RALGAPA2: variants seen among roughly 807,000 people sequenced by gnomAD.
RALGAPA2 encodes the protein Ral GTPase activating protein catalytic subunit alpha 2, also known as ral GTPase-activating protein subunit alpha-2.
A neutral mutation model predicts 230.4 loss-of-function variants in RALGAPA2; 139 were observed. The ratio of observed to expected loss-of-function variants is 0.60; its 90% CI spans 0.53 to 0.69. The LOEUF (loss-of-function observed/expected upper bound fraction) is 0.69, where lower values mean the gene tolerates loss of function less well. Among genes scored for constraint, RALGAPA2 ranks in the 30% least tolerant of loss-of-function variants. The probability of loss-of-function intolerance (pLI) is 0.00; values close to 1 mark genes in which losing one functional copy is unlikely to be tolerated. For synonymous variants in RALGAPA2, 847 were observed against 837.8 expected, an observed-to-expected ratio of 1.01 and a Z score of -0.19; for missense variants, 2,163 against 2,276.0, an observed-to-expected ratio of 0.95 and a Z score of 1.01.
At chr20:20,577,022 T>G (rs2064840806) in intron 20 of RALGAPA2, among the ~76,000 whole-genome samples, 1 of 152,190 alleles carries the variant, frequency 6.6e-6, no homozygotes, top group African/African-American at 2.4e-5. Context: ...CTTTTCCTAA[T>G]TTTTGAATAG....
At chr20:20,530,781 T>C (rs1169022010) in intron 27 of RALGAPA2, among the ~76,000 whole-genome samples, 3 of 152,054 alleles carry the variant, frequency 2.0e-5, no homozygotes, top group Admixed American at 6.5e-5. Context: ...TTGAACAAGT[T>C]CCTTAATGAT....
chr20:20,620,628 T>C lies in RALGAPA2; in HGVS notation c.1236A>G (p.Ala412=). ...CTATCTCACAGGAAGGCAACAAAAA[T>C]GCCTGAAAGGAAAAGAGAAAACTCC... ...VNFVNEVFHQ[A]FLLPSCEIAV... Residue 412 remains alanine, a splice_region_variant and synonymous_variant, in exon 11 of 40, where the codon GCA becomes GCG. Coordinates refer to ENST00000202677, the MANE Select transcript of RALGAPA2 (RefSeq NM_020343.4). 3 of 1,606,672 alleles carry C rather than the reference T, an allele frequency of 1.9e-6. No individual in the cohort carries two copies. Among genetic ancestry groups the C allele is most frequent in the Non-Finnish European group, 2.5e-6 (3 of 1,176,918 alleles).
rs764428540 is a variant in RALGAPA2 at position 20,619,401 on chromosome 20, C to T, written c.1415G>A (p.Ser472Asn). The change falls in exon 12 of 40, where the codon AGT becomes AAT. Residue 472 changes from serine (S) to asparagine (N), a missense_variant. By Grantham distance (46) the Ser-to-Asn change is conservative. Coordinates refer to ENST00000202677, the MANE Select transcript of RALGAPA2 (RefSeq NM_020343.4). Reference protein sequence around the residue: ...ETDSKEASSESSGHKRSSSWG... With the variant: ...ETDSKEASSENSGHKRSSSWG... ...ACTGGAAGATCGTTTATGACCAGAA[C>T]TTTCAGATGAGGCCTTCAGAAGATA... is the stretch of plus-strand genomic sequence containing the variant. 13 of 1,601,240 alleles carry T rather than the reference C, an allele frequency of 8.1e-6. 1 individual carries two copies. In the South Asian group the frequency reaches 1.5e-4, roughly 18 times the overall value.
chr20:20,495,379 T>C (rs1188464972), intron 35 of RALGAPA2, 104 bp from the exon 36 acceptor site: 1 of 993,796 alleles, frequency 1.0e-6, no homozygotes, highest in East Asian at 2.7e-5. Context: ...CAAAAAAATT[T>C]CACTACCAAA....
At chr20:20,620,117 T>C (rs1482274477) in intron 11 of RALGAPA2, among the ~76,000 whole-genome samples, 3 of 152,224 alleles carry the variant, frequency 2.0e-5, no homozygotes, top group African/African-American at 7.2e-5. Flanking sequence ...CCAAAAGATA[T>C]TTATTTAAAC....
intron 26 of RALGAPA2, among the ~76,000 whole-genome samples, chr20:20,534,319 C>A (rs544437861): frequency 5.9e-5 from 9 of 151,996 alleles, no homozygotes; most frequent in Non-Finnish European, 1.3e-4. Context: ...GTGGCAGGCG[C>A]CTGTAGTCCC....
intron 20 of RALGAPA2, among the ~76,000 whole-genome samples, chr20:20,582,656 A>G (rs1373083102): frequency 3.3e-5 from 5 of 152,114 alleles, no homozygotes; most frequent in African/African-American, 1.2e-4. Flanking sequence ...GTGCCCTGCT[A>G]GTTCTTAAGT....
intron 4 of RALGAPA2, among the ~76,000 whole-genome samples, chr20:20,648,172 C>T (rs749806891): frequency 3.9e-5 from 6 of 152,138 alleles, no homozygotes; most frequent in Non-Finnish European, 1.5e-5. Context: ...AAGGAATGAA[C>T]TATTAATTCA....
At chr20:20,414,951 A>G (rs2060137365) in intron 37 of RALGAPA2, among the ~76,000 whole-genome samples, 1 of 152,268 alleles carries the variant, frequency 6.6e-6, no homozygotes, top group Admixed American at 6.5e-5. Context: ...ATTTTCGCTC[A>G]TGGCCCAAGC....
At chr20:20,475,724 G>T (rs2061635537) in intron 36 of RALGAPA2, among the ~76,000 whole-genome samples, 1 of 152,092 alleles carries the variant, frequency 6.6e-6, no homozygotes, top group South Asian at 2.1e-4. Flanking sequence ...CATTTTTGAA[G>T]ATCCTAGTCA....
chr20:20,545,120 C>A (rs1452529562), intron 24 of RALGAPA2, among the ~76,000 whole-genome samples: 1 of 152,214 alleles, frequency 6.6e-6, no homozygotes, highest in South Asian at 2.1e-4. Context: ...TTTGAAAATT[C>A]TTTGAGATTA....
intron 23 of RALGAPA2, among the ~76,000 whole-genome samples, chr20:20,547,909 G>C (rs1263354799): frequency 2.0e-5 from 3 of 152,132 alleles, no homozygotes; most frequent in South Asian, 4.1e-4. Flanking sequence ...ATACCGAATA[G>C]TGTAGGCAAT....
intron 37 of RALGAPA2, among the ~76,000 whole-genome samples, chr20:20,465,312 A>C (rs867537066): frequency 6.6e-6 from 1 of 152,150 alleles, no homozygotes; most frequent in Non-Finnish European, 1.5e-5. Flanking sequence ...TCAGGCTGGC[A>C]AGGAGTGAGT....
In RALGAPA2 at chr20:20,640,713, T is replaced by C; in HGVS notation, c.538A>G (p.Ser180Gly). 6.2e-7 allele frequency: 1 copy of C among 1,612,290 alleles called. No homozygotes were observed. The highest frequency in any genetic ancestry group is 8.5e-7 in the Non-Finnish European group (1 of 1,178,836). ...TAACATAACTTACCATCAGCTACAC[T>C]AGGGCTGGGATTGATGAGTGTCTCC... Reference protein sequence around the residue: ...TLETLINPSPSVADVKIYPEE... With the variant: ...TLETLINPSPGVADVKIYPEE... The change falls in exon 6 of 40, where the codon AGT becomes GGT. Residue 180 changes from serine (S) to glycine (G), a missense_variant. Transcript: ENST00000202677.
At chr20:20,648,034 T>C (rs961838105) in intron 4 of RALGAPA2, among the ~76,000 whole-genome samples, 2 of 152,176 alleles carry the variant, frequency 1.3e-5, no homozygotes, top group Non-Finnish European at 2.9e-5. Context: ...CGAGCATAAA[T>C]GTTTATAGTA....
intron 36 of RALGAPA2, among the ~76,000 whole-genome samples, chr20:20,473,909 T>G (rs189599324): frequency 3.7e-4 from 56 of 152,326 alleles, no homozygotes; most frequent in Non-Finnish European, 5.9e-5. Flanking sequence ...ATATTTATTA[T>G]GTGTTGGACA....
At chr20:20,683,474 C>T (rs139817305) in intron 1 of RALGAPA2, among the ~76,000 whole-genome samples, 1 of 152,190 alleles carries the variant, frequency 6.6e-6, no homozygotes, top group African/African-American at 2.4e-5. Context: ...CCACTCTCCC[C>T]TTCACTCCCT....
chr20:20,402,414 G>A (rs767215343), intron 38 of RALGAPA2, among the ~76,000 whole-genome samples: 77 of 152,202 alleles, frequency 5.1e-4, no homozygotes, highest in Admixed American at 1.3e-3. Flanking sequence ...CTGTGTAGTG[G>A]GGATGGCCAT....
At chr20:20,505,344 A>G (rs2062500498) in intron 34 of RALGAPA2, 67 bp downstream of exon 34, 1 of 1,389,010 alleles carries the variant, frequency 7.2e-7, no homozygotes. Context: ...AACTTACACA[A>G]TGTCTAGTTT....
Sources: allele counts gnomAD v4.1 joint callset (sites outside exome capture counted in the v4.1 genomes callset), GRCh38; gene constraint gnomAD v4.1.1; transcripts MANE v1.5; gene names NCBI Gene and HGNC (gene_info 2026-07-23, HGNC 2026-07-21).